SPNS2: variants seen among roughly 807,000 people sequenced by gnomAD.
The protein encoded by SPNS2 is sphingosine-1-phosphate transporter SPNS2.
Under a neutral mutation model 57.6 loss-of-function variants are expected in SPNS2, and 37 were observed. The ratio of observed to expected loss-of-function variants is 0.64; its 90% CI spans 0.49 to 0.85. The LOEUF (loss-of-function observed/expected upper bound fraction) is 0.85. SPNS2 is among the 40% of genes least tolerant of loss of function. SPNS2 has a pLI of 0.00. For missense variants in SPNS2, 831 were observed against 779.1 expected (o/e 1.07, Z -0.79); for synonymous variants, 440 against 346.9 (o/e 1.27, Z -2.98).
intron 2 of SPNS2, among the ~76,000 whole-genome samples, chr17:4,517,192 C>G (rs918643571): frequency 2.6e-5 from 4 of 152,212 alleles, no homozygotes; most frequent in Admixed American, 2.0e-4. Flanking sequence ...CTAGTTCCAG[C>G]CCCTGCTCCG....
intron 8 of SPNS2, 36 bp downstream of exon 8, chr17:4,533,468 T>C (rs754827324): frequency 6.4e-7 from 1 of 1,552,572 alleles, no homozygotes; most frequent in South Asian, 1.2e-5. Flanking sequence ...CTGGGGGAGC[T>C]GGGCCTGGGC....
In SPNS2 at chr17:4,539,024, C is replaced by T. The variant is rs781089507; in HGVS notation, c.*1576C>T. The T allele has an allele frequency of 1.1e-5, 9 of 844,284 alleles. No homozygotes were observed. The highest frequency in any genetic ancestry group is 6.8e-5 in the Admixed American group (4 of 58,624). The allele number at this position is 844,284 out of a possible 1,614,324, so 52.3% of individuals were successfully genotyped here. On this transcript the variant is annotated 3_prime_UTR_variant, in exon 13 of 13. Coordinates refer to ENST00000329078, the MANE Select transcript of SPNS2 (RefSeq NM_001124758.3). ...TCCTCTTGTAAATGAAGAAATAAAC[C>T]TATTTAAATCACCCCCTGGTGGCTC...
intron 2 of SPNS2, among the ~76,000 whole-genome samples, chr17:4,524,065 C>G (rs1905205802): frequency 6.6e-6 from 1 of 152,164 alleles, no homozygotes; most frequent in South Asian, 2.1e-4. Flanking sequence ...AGGAAAGGCC[C>G]TGCGGCGCGC....
chr17:4,537,286 C>T (rs192511099), intron 12 of SPNS2, among the ~76,000 whole-genome samples, 167 bp from the exon 13 acceptor site: 6 of 152,358 alleles, frequency 3.9e-5, no homozygotes, highest in African/African-American at 1.2e-4. Flanking sequence ...CTCCTTGGCC[C>T]TTCCCTCTGG....
chr17:4,532,490 C>G (rs1905531896), intron 5 of SPNS2, 52 bp from the exon 6 acceptor site: 3 of 1,612,444 alleles, frequency 1.9e-6, no homozygotes, highest in Non-Finnish European at 2.5e-6. Context: ...CCTTCTGCAG[C>G]AGGGACGAGG....
chr17:4,527,075 G>T (rs752349547), intron 3 of SPNS2, among the ~76,000 whole-genome samples: 2 of 152,248 alleles, frequency 1.3e-5, no homozygotes, highest in African/African-American at 4.8e-5. Flanking sequence ...ATCTCTGGGT[G>T]TGTGGAAGGA....
chr17:4,530,939 C>A (rs555036484), intron 4 of SPNS2, 114 bp from the exon 5 acceptor site: 2 of 1,488,906 alleles, frequency 1.3e-6, no homozygotes, highest in African/African-American at 1.4e-5. Flanking sequence ...TGGACCTGCT[C>A]CCTGGCCAGC....
chr17:4,533,781 C>T lies in SPNS2; in HGVS notation c.1279-7C>T, dbSNP rs1020256635. 1 of 1,613,750 alleles carries T rather than the reference C, an allele frequency of 6.2e-7. No homozygotes were observed. The highest frequency in any genetic ancestry group is 8.5e-7 in the Non-Finnish European group (1 of 1,180,012). On this transcript the variant is annotated splice_polypyrimidine_tract_variant and splice_region_variant and intron_variant, in intron 8 of 12. Coordinates refer to ENST00000329078, the MANE Select transcript of SPNS2 (RefSeq NM_001124758.3). The stretch of plus-strand genomic sequence containing the variant: ...CGCTGATGGTGGCTTTGCCTTCTCC[C>T]CGGCAGATCTGTATCTTCGTCGGGG...
Position 4,536,061 on chromosome 17 carries a change from C to G in SPNS2, c.1345-15C>G, listed in dbSNP as rs74592437. 47 of 1,606,262 alleles carry G rather than the reference C, an allele frequency of 2.9e-5. No individual in the cohort carries two copies. The highest frequency in any genetic ancestry group is 1.8e-4 in the Middle Eastern group (1 of 5,658). On this transcript the variant is annotated splice_polypyrimidine_tract_variant and intron_variant, in intron 9 of 12. Coordinates refer to ENST00000329078, the MANE Select transcript of SPNS2 (RefSeq NM_001124758.3). ...CTTTCTCCTCTGGCCGCTGACCTGC[C>G]CGCCTGTTCCGCAGTACGTGGTCAT...
chr17:4,500,608 G>T (rs1248265010), intron 1 of SPNS2, among the ~76,000 whole-genome samples: 1 of 152,164 alleles, frequency 6.6e-6, no homozygotes, highest in Non-Finnish European at 1.5e-5. Flanking sequence ...AGAGAGAGGA[G>T]ATAGGAGAGA....
intron 1 of SPNS2, among the ~76,000 whole-genome samples, chr17:4,501,087 G>A (rs80316655): frequency 0.012 from 1,784 of 152,256 alleles, 31 homozygotes; most frequent in African/African-American, 0.041. Flanking sequence ...CACAGATAGG[G>A]GGACCAATGT....
rs974163988 is a variant in SPNS2, at chr17:4,537,819, G to A, written c.*371G>A. 4 of 455,304 alleles carry A rather than the reference G, an allele frequency of 8.8e-6. No individual in the cohort carries two copies. Among genetic ancestry groups the A allele is most frequent in the African/African-American group, 6.0e-5 (3 of 50,068 alleles). The allele number at this position is 455,304 out of a possible 1,614,324, so 28.2% of individuals were successfully genotyped here. On this transcript the variant is annotated 3_prime_UTR_variant, in exon 13 of 13. Coordinates refer to ENST00000329078, the MANE Select transcript of SPNS2 (RefSeq NM_001124758.3). Reference sequence around the variant, plus strand: ...CCTCCCTGGAACGAAGGGCCAGGGGGCTGGACTTTCCCACACAACTTGCTG... The same window carrying A: ...CCTCCCTGGAACGAAGGGCCAGGGGACTGGACTTTCCCACACAACTTGCTG...
rs563747546 is a variant in SPNS2, at chr17:4,537,696, G to A, written c.*248G>A. ...AGGTTCCCAGCCCTAGGTTTGGGCC[G>A]CAGGGCCCCTGGGGCCAAGGAAGAA... is the stretch of plus-strand genomic sequence containing the variant. On this transcript the variant is annotated 3_prime_UTR_variant, in exon 13 of 13. Coordinates refer to ENST00000329078, the MANE Select transcript of SPNS2 (RefSeq NM_001124758.3). 9.9e-5 allele frequency: 45 copies of A among 456,764 alleles called. No homozygotes were observed. The East Asian group carries it at 1.3e-3, about 13-fold the overall frequency. The allele number at this position is 456,764 out of a possible 1,614,324, so 28.3% of individuals were successfully genotyped here.
At chr17:4,502,784 T>C (rs1252760207) in intron 1 of SPNS2, among the ~76,000 whole-genome samples, 1 of 152,196 alleles carries the variant, frequency 6.6e-6, no homozygotes, top group Non-Finnish European at 1.5e-5. Flanking sequence ...ACGATGCCTT[T>C]CCTGGGATTT....
chr17:4,506,013 G>T (rs572058458), intron 1 of SPNS2, among the ~76,000 whole-genome samples: 2 of 152,304 alleles, frequency 1.3e-5, no homozygotes, highest in South Asian at 2.1e-4. Flanking sequence ...GGGGTTACTT[G>T]GTCACACAGC....
intron 5 of SPNS2, among the ~76,000 whole-genome samples, chr17:4,531,898 G>A (rs898861174): frequency 5.3e-5 from 8 of 152,170 alleles, no homozygotes; most frequent in Non-Finnish European, 5.9e-5. Context: ...GATCCAAAAG[G>A]GCTCGGGAGC....
chr17:4,525,436 C>A (rs1232079311), intron 3 of SPNS2, among the ~76,000 whole-genome samples: 1 of 152,236 alleles, frequency 6.6e-6, no homozygotes, highest in Admixed American at 6.5e-5. Flanking sequence ...CCTCCTGACT[C>A]TTTCTGAGCA....
At chr17:4,504,303 G>A (rs1904614221) in intron 1 of SPNS2, among the ~76,000 whole-genome samples, 1 of 152,262 alleles carries the variant, frequency 6.6e-6, no homozygotes, top group Non-Finnish European at 1.5e-5. Flanking sequence ...AGGTGGTCTA[G>A]AATGTCAGCG....
chr17:4,533,428 C>A lies in SPNS2; in HGVS notation c.1274C>A (p.Ala425Asp), dbSNP rs529713375. The A allele has an allele frequency of 2.5e-6, 4 of 1,598,942 alleles. No individual in the cohort carries two copies. The highest frequency in any genetic ancestry group is 2.7e-5 in the African/African-American group (2 of 74,574). ...GCTGCCAAGAGCAGCATCGTAGGAGCCTATGTGAGTGCAGCGGGGGTCAAG... is the reference window on the plus strand; with the variant it reads ...GCTGCCAAGAGCAGCATCGTAGGAGACTATGTGAGTGCAGCGGGGGTCAAG... ...FVAAKSSIVG[A>D]YICIFVGETL... is the part of the protein sequence containing the mutation. The change falls in exon 8 of 13, where the codon GCC (alanine) becomes GAC (aspartate). Residue 425 changes from alanine to aspartate, a missense_variant. Physicochemically the swap from Ala to Asp is moderately radical, Grantham distance 126. Transcript: ENST00000329078.
Sources: allele counts gnomAD v4.1 joint callset (sites outside exome capture counted in the v4.1 genomes callset), GRCh38; gene constraint gnomAD v4.1.1; transcripts MANE v1.5; gene names NCBI Gene and HGNC (gene_info 2026-07-23, HGNC 2026-07-21).